PTPN4: variants seen among roughly 807,000 people sequenced by gnomAD.
PTPN4 encodes tyrosine-protein phosphatase non-receptor type 4.
A neutral mutation model predicts 135.5 loss-of-function variants in PTPN4; 49 were observed. That is an observed-to-expected ratio of 0.36 (90% CI 0.29 to 0.46). The LOEUF (loss-of-function observed/expected upper bound fraction) is 0.46. Among genes scored for constraint, PTPN4 ranks in the 20% least tolerant of loss-of-function variants. PTPN4 has a pLI of 1.00. For synonymous variants in PTPN4, 333 were observed against 369.9 expected (o/e 0.90, Z 1.14); for missense variants, 860 against 1,101.0 (o/e 0.78, Z 3.10).
At chr2:119,874,890 A>G (rs1290680829) in intron 3 of PTPN4, among the ~76,000 whole-genome samples, 1 of 152,202 alleles carries the variant, frequency 6.6e-6, no homozygotes, top group Non-Finnish European at 1.5e-5. Context: ...TACTTTCAGA[A>G]GCTATGTATG....
At chr2:119,856,081 G>C (rs1421704686) in intron 2 of PTPN4, among the ~76,000 whole-genome samples, 1 of 152,132 alleles carries the variant, frequency 6.6e-6, no homozygotes. Flanking sequence ...TGGTATTACA[G>C]GCATGAGCCA....
chr2:119,967,930 A>G lies in PTPN4; in HGVS notation c.2652A>G (p.Val884=). 2 of 1,610,254 alleles carry G rather than the reference A, an allele frequency of 1.2e-6. No individual in the cohort carries two copies. Among genetic ancestry groups the G allele is most frequent in the Non-Finnish European group, 8.5e-7 (1 of 1,177,262 alleles). ...AGCCAGTTTATCCACTAGATATTGT[A>G]AGAACAATGAGAGATCAGCGAGCCA... is the stretch of plus-strand genomic sequence containing the variant. ...CNQPVYPLDI[V]RTMRDQRAMM... is the part of the protein sequence containing the mutation. Residue 884 remains valine, a synonymous_variant, in exon 26 of 27, where the codon GTA becomes GTG. Coordinates refer to ENST00000263708, the MANE Select transcript of PTPN4 (RefSeq NM_002830.4).
intron 5 of PTPN4, among the ~76,000 whole-genome samples, chr2:119,879,454 G>GT (rs939248253): frequency 3.9e-5 from 6 of 152,114 alleles, no homozygotes; most frequent in African/African-American, 1.4e-4. Flanking sequence ...TAAATGTCTA[G>GT]TTTTTTGTAA....
chr2:119,873,064 T>C (rs768354017), intron 3 of PTPN4, among the ~76,000 whole-genome samples: 1 of 152,146 alleles, frequency 6.6e-6, no homozygotes, highest in Non-Finnish European at 1.5e-5. Context: ...GGTGCGATCA[T>C]GGCTTACAGC....
intron 1 of PTPN4, among the ~76,000 whole-genome samples, chr2:119,803,742 G>A (rs1691416588): frequency 6.6e-6 from 1 of 151,986 alleles, no homozygotes; most frequent in African/African-American, 2.4e-5. Flanking sequence ...ATTGAGAAAG[G>A]GGAGTTGAGC....
At position 119,951,966 on chromosome 2, in the gene PTPN4, A is replaced by G; in HGVS notation, c.1657-7A>G. The G allele has an allele frequency of 6.2e-7, 1 of 1,601,708 alleles. No individual in the cohort carries two copies. The highest frequency in any genetic ancestry group is 1.1e-5 in the South Asian group (1 of 88,952). On this transcript the variant is annotated splice_polypyrimidine_tract_variant and splice_region_variant and intron_variant, in intron 18 of 26. Coordinates refer to ENST00000263708, the MANE Select transcript of PTPN4 (RefSeq NM_002830.4). ...CAATCTGAAACCTTATCTATATTAT[A>G]TTACAGGCTGACCTCTGTGTCCCTA...
chr2:119,861,619 T>TTCTTG (rs1462906158), intron 2 of PTPN4, among the ~76,000 whole-genome samples: 2 of 152,208 alleles, frequency 1.3e-5, no homozygotes, highest in African/African-American at 4.8e-5. Flanking sequence ...CAATAAGTAT[T>TTCTTG]TCTTGTCTTT....
intron 3 of PTPN4, among the ~76,000 whole-genome samples, chr2:119,872,011 A>C (rs977862553): frequency 6.6e-6 from 1 of 152,222 alleles, no homozygotes; most frequent in Non-Finnish European, 1.5e-5. Context: ...TTGAGAGGTG[A>C]AAGGGGAGCT....
intron 1 of PTPN4, among the ~76,000 whole-genome samples, chr2:119,786,178 G>A (rs948984909): frequency 6.6e-6 from 1 of 152,170 alleles, no homozygotes; most frequent in African/African-American, 2.4e-5. Flanking sequence ...TACAGTAAAT[G>A]AGAGTGAGTA....
chr2:119,907,425 C>A (rs561524026), intron 10 of PTPN4, among the ~76,000 whole-genome samples: 2 of 139,808 alleles, frequency 1.4e-5, no homozygotes, highest in South Asian at 4.9e-4. Flanking sequence ...CATAGCAAGA[C>A]CTCGTCTCTA....
intron 5 of PTPN4, among the ~76,000 whole-genome samples, chr2:119,877,893 G>GT (rs34064745): frequency 0.011 from 1,594 of 149,284 alleles, 31 homozygotes; most frequent in African/African-American, 0.037. Flanking sequence ...AGAAATTTGG[G>GT]TTTTTTTTTT....
At chr2:119,883,635 C>T (rs1185418234) in intron 8 of PTPN4, among the ~76,000 whole-genome samples, 3 of 152,142 alleles carry the variant, frequency 2.0e-5, no homozygotes, top group African/African-American at 7.2e-5. Context: ...AGCCAGACTG[C>T]CTGGTTTGAA....
chr2:119,871,389 A>T (rs1385135639), intron 3 of PTPN4, among the ~76,000 whole-genome samples: 1 of 152,016 alleles, frequency 6.6e-6, no homozygotes. Context: ...AAACCCTCAT[A>T]AGAGAATAGT....
chr2:119,935,194 T>C, intron 15 of PTPN4: 1 of 462,582 alleles, frequency 2.2e-6, no homozygotes, highest in Non-Finnish European at 3.8e-6. Context: ...GTTTTTAGTA[T>C]ATAAACTCAA....
intron 1 of PTPN4, among the ~76,000 whole-genome samples, chr2:119,770,914 C>G (rs1256867143): frequency 6.1e-5 from 9 of 147,318 alleles, no homozygotes; most frequent in Admixed American, 2.7e-4. Context: ...GAGTCTCGCT[C>G]TGTCGCTCAG....
chr2:119,944,001 G>A (rs1679099136), intron 15 of PTPN4, among the ~76,000 whole-genome samples: 1 of 152,078 alleles, frequency 6.6e-6, no homozygotes. Context: ...GTGGGGGGAA[G>A]AAGAACTTTT....
Position 119,914,248 on chromosome 2 carries a change from A to ATTTTTTT in PTPN4, c.765-909_765-903dup, listed in dbSNP as rs55911315. ...CATAAATACAGTCAATAGTTACTCA[A>ATTTTTTT]TTTTTTTTTTTTTTTTTTTTTTTTT... On this transcript the variant is annotated intron_variant, in intron 10 of 26. Coordinates refer to ENST00000263708, the MANE Select transcript of PTPN4 (RefSeq NM_002830.4). Among the ~76,000 whole-genome samples, 343 of 97,392 alleles carry ATTTTTTT rather than the reference A, an allele frequency of 3.5e-3. 40 individuals carry two copies. The highest frequency in any genetic ancestry group is 0.018 in the African/African-American group (302 of 17,036). The allele number at this position is 97,392 out of a possible 152,430, so 63.9% of individuals were successfully genotyped here.
intron 10 of PTPN4, among the ~76,000 whole-genome samples, chr2:119,902,106 A>G (rs1678413354): frequency 6.6e-6 from 1 of 152,208 alleles, no homozygotes; most frequent in African/African-American, 2.4e-5. Flanking sequence ...AGGTTAAATA[A>G]CCCAAAAATC....
chr2:119,775,136 A>G, intron 1 of PTPN4, among the ~76,000 whole-genome samples: 1 of 146,158 alleles, frequency 6.8e-6, no homozygotes, highest in African/African-American at 2.5e-5. Flanking sequence ...GCCACAAAGG[A>G]CATTTATTAG....
Sources: gnomAD v4.1 joint callset for allele counts (sites outside exome capture counted in the v4.1 genomes callset) on GRCh38, gnomAD v4.1.1 for gene constraint, MANE v1.5 for transcripts, NCBI Gene and HGNC (gene_info 2026-07-23, HGNC 2026-07-21) for gene names.